The following RBFOX1 variants were observed in gnomAD, a reference collection of about 807,000 sequenced individuals.
RBFOX1 encodes the protein RNA binding fox-1 homolog 1, also known as RNA binding protein fox-1 homolog 1.
Under a neutral mutation model 57.7 loss-of-function variants are expected in RBFOX1, and 8 were observed. The observed-to-expected ratio is 0.14, with a 90% CI of 0.08 to 0.25. The LOEUF (loss-of-function observed/expected upper bound fraction) is 0.25. Among genes scored for constraint, RBFOX1 ranks in the 10% least tolerant of loss-of-function variants. The pLI is 1.00. For missense variants in RBFOX1, 611 were observed against 548.5 expected, an observed-to-expected ratio of 1.11 and a Z score of -1.14; for synonymous variants, 326 against 222.4, an observed-to-expected ratio of 1.47 and a Z score of -4.15.
At chr16:6,890,058 A>T (rs1314459897) in intron 3 of RBFOX1, among the ~76,000 whole-genome samples, 1 of 152,212 alleles carries the variant, frequency 6.6e-6, no homozygotes, top group Non-Finnish European at 1.5e-5. Context: ...AGTTGATTTT[A>T]TAGATTTTCT....
intron 4 of RBFOX1, among the ~76,000 whole-genome samples, chr16:7,295,376 A>C (rs2095868927): frequency 6.6e-6 from 1 of 152,148 alleles, no homozygotes; most frequent in Admixed American, 6.6e-5. Context: ...AGGAGGAATG[A>C]TGGTTTCATC....
chr16:5,623,509 T>C (rs553540658), intron 3 of RBFOX1, among the ~76,000 whole-genome samples: 62 of 152,068 alleles, frequency 4.1e-4, no homozygotes, highest in Non-Finnish European at 7.9e-4. Flanking sequence ...TGAAGACTTT[T>C]CTGCATCTTT....
At chr16:6,816,482 C>T (rs2090093468) in intron 3 of RBFOX1, among the ~76,000 whole-genome samples, 1 of 149,820 alleles carries the variant, frequency 6.7e-6, no homozygotes, top group Non-Finnish European at 1.5e-5. Flanking sequence ...TGGCTTATGC[C>T]TGTAATCTCA....
chr16:6,939,443 T>C (rs191540050), intron 3 of RBFOX1, among the ~76,000 whole-genome samples: 189 of 152,114 alleles, frequency 1.2e-3, no homozygotes, highest in Admixed American at 4.2e-3. Flanking sequence ...CATCTGTTTT[T>C]ATCTGGGTTA....
chr16:5,954,150 C>A (rs1009336738), intron 4 of RBFOX1, among the ~76,000 whole-genome samples: 1 of 152,118 alleles, frequency 6.6e-6, no homozygotes, highest in Non-Finnish European at 1.5e-5. Context: ...GAACCTCTTC[C>A]CTTGTGTTTG....
chr16:6,629,439 T>A (rs1158672185), intron 2 of RBFOX1, among the ~76,000 whole-genome samples: 6 of 152,250 alleles, frequency 3.9e-5, no homozygotes, highest in African/African-American at 1.4e-4. Context: ...ATTTATGTTT[T>A]ATTTTTTAAG....
At chr16:7,315,646 GAA>G (rs2096420787) in intron 4 of RBFOX1, among the ~76,000 whole-genome samples, 1 of 62,830 alleles carries the variant, frequency 1.6e-5, no homozygotes. Context: ...GTGGAGAACA[GAA>G]TATATATATA....
At chr16:5,697,626 C>T (rs905587657) in intron 3 of RBFOX1, among the ~76,000 whole-genome samples, 2 of 151,400 alleles carry the variant, frequency 1.3e-5, no homozygotes, top group African/African-American at 2.4e-5. Flanking sequence ...CTCTGCTTCC[C>T]AGGTTCAAGC....
chr16:7,140,157 CCTCTCTCTCTCTCTCTCT>C (rs57128710), intron 4 of RBFOX1, among the ~76,000 whole-genome samples: 1 of 70,888 alleles, frequency 1.4e-5, no homozygotes, highest in South Asian at 5.9e-4. Context: ...TCCTTCTCTC[CCTCTCTCTCTCTCTCTCT>C]CTCTCTCTCT....
chr16:7,131,844 C>G (rs999663401), intron 4 of RBFOX1, among the ~76,000 whole-genome samples: 8 of 151,954 alleles, frequency 5.3e-5, no homozygotes, highest in African/African-American at 1.9e-4. Flanking sequence ...ATCTAAACAT[C>G]CAAATGGCTT....
At chr16:6,715,653 T>C (rs1231496564) in intron 3 of RBFOX1, among the ~76,000 whole-genome samples, 1 of 152,152 alleles carries the variant, frequency 6.6e-6, no homozygotes, top group Non-Finnish European at 1.5e-5. Context: ...CGGATAAAGA[T>C]ACTTGGAAAA....
intron 1 of RBFOX1, among the ~76,000 whole-genome samples, chr16:6,231,702 C>A (rs1361067963): frequency 1.3e-5 from 2 of 152,180 alleles, no homozygotes; most frequent in Non-Finnish European, 1.5e-5. Flanking sequence ...GCATGTCTGC[C>A]CTGGACTTGG....
intron 4 of RBFOX1, among the ~76,000 whole-genome samples, chr16:7,331,379 T>G (rs2096692391): frequency 6.6e-6 from 1 of 152,160 alleles, no homozygotes; most frequent in African/African-American, 2.4e-5. Flanking sequence ...TCCTGGGACT[T>G]GGGCATTATT....
intron 1 of RBFOX1, among the ~76,000 whole-genome samples, chr16:6,177,922 T>TTA (rs553285285): frequency 7.1e-6 from 1 of 140,008 alleles, no homozygotes; most frequent in East Asian, 2.1e-4. Flanking sequence ...TCAGTGGGGG[T>TTA]AAAAAAAAAA....
At chr16:5,828,432 G>T (rs1247885244) in intron 3 of RBFOX1, among the ~76,000 whole-genome samples, 1 of 152,190 alleles carries the variant, frequency 6.6e-6, no homozygotes, top group Non-Finnish European at 1.5e-5. Context: ...CAACCACCGG[G>T]CTCACGCCTG....
rs369271361 is a variant in RBFOX1 at position 7,028,602 on chromosome 16, ACACACAC to A, written c.-15-23454_-15-23448del. Among the ~76,000 whole-genome samples, 195 of 39,296 alleles carry A rather than the reference ACACACAC, an allele frequency of 5.0e-3. 1 individual carries two copies. The highest frequency in any genetic ancestry group is 0.015 in the African/African-American group (111 of 7,248). The allele number at this position is 39,296 out of a possible 152,430, so 25.8% of individuals were successfully genotyped here. On this transcript the variant is annotated intron_variant, in intron 3 of 15. Coordinates refer to ENST00000550418, the MANE Select transcript of RBFOX1 (RefSeq NM_018723.4). ...AACTCCCTCACACACACACACACAC[ACACACAC>A]AAAAAAAAAAAAAAAAAAAAAAAAA...
At chr16:5,563,214 G>T (rs2045948728) in intron 2 of RBFOX1, among the ~76,000 whole-genome samples, 1 of 152,202 alleles carries the variant, frequency 6.6e-6, no homozygotes, top group Admixed American at 6.5e-5. Context: ...CTCCCAAAGT[G>T]TTGGGATTAC....
At chr16:5,990,121 G>A (rs931296022) in intron 4 of RBFOX1, among the ~76,000 whole-genome samples, 45 of 152,132 alleles carry the variant, frequency 3.0e-4, no homozygotes, top group African/African-American at 1.1e-3. Flanking sequence ...GAGTAGCTGG[G>A]ACTGTAGGCA....
intron 9 of RBFOX1, among the ~76,000 whole-genome samples, chr16:7,603,995 G>A (rs1026479682): frequency 6.6e-6 from 1 of 152,136 alleles, no homozygotes; most frequent in Non-Finnish European, 1.5e-5. Flanking sequence ...GGCAGAGATA[G>A]GAATGCCTTG....
Sources: allele counts gnomAD v4.1 joint callset (sites outside exome capture counted in the v4.1 genomes callset), GRCh38; gene constraint gnomAD v4.1.1; transcripts MANE v1.5; gene names NCBI Gene and HGNC (gene_info 2026-07-23, HGNC 2026-07-21).